DARS1: variants seen among roughly 807,000 people sequenced by gnomAD.
The protein encoded by DARS1 is aspartate--tRNA ligase, cytoplasmic.
Under a neutral mutation model 68.8 loss-of-function variants are expected in DARS1, and 51 were observed. The observed-to-expected ratio is 0.74, with a 90% CI of 0.59 to 0.94. The LOEUF (loss-of-function observed/expected upper bound fraction) is 0.94. DARS1 is among the 40% of genes least tolerant of loss of function. The pLI, the probability that DARS1 is intolerant of heterozygous loss-of-function variation, is 0.00. For missense variants in DARS1, 607 were observed against 597.3 expected (o/e 1.02, Z -0.17); for synonymous variants, 203 against 190.4 (o/e 1.07, Z -0.55).
intron 4 of DARS1, among the ~76,000 whole-genome samples, chr2:135,946,320 T>G (rs576284294): frequency 3.5e-4 from 54 of 152,274 alleles, no homozygotes; most frequent in African/African-American, 1.3e-3. Flanking sequence ...AGGGTACCAC[T>G]GCTAGCTTCT....
intron 4 of DARS1, among the ~76,000 whole-genome samples, chr2:135,960,656 T>C (rs1037631654): frequency 7.2e-5 from 11 of 152,280 alleles, no homozygotes; most frequent in Non-Finnish European, 1.5e-4. Context: ...TTTTCTGAGA[T>C]CATTATCATG....
intron 3 of DARS1, among the ~76,000 whole-genome samples, chr2:135,977,302 G>T (rs1176375474): frequency 6.6e-6 from 1 of 152,218 alleles, no homozygotes; most frequent in Non-Finnish European, 1.5e-5. Context: ...TAAACAGATT[G>T]TAAGCACAAA....
chr2:135,982,184 TTAAG>T (rs1220919475), intron 2 of DARS1, among the ~76,000 whole-genome samples: 3 of 152,090 alleles, frequency 2.0e-5, no homozygotes, highest in Non-Finnish European at 4.4e-5. Flanking sequence ...TGTCAAATAG[TTAAG>T]TAAGACAAAT....
At chr2:135,979,144 G>T in intron 3 of DARS1, 130 bp downstream of exon 3, 1 of 629,574 alleles carries the variant, frequency 1.6e-6, no homozygotes, top group East Asian at 2.7e-5. Flanking sequence ...ACTTTACAGT[G>T]ACTTTTAAGA....
At chr2:135,978,474 C>G (rs939351156) in intron 3 of DARS1, among the ~76,000 whole-genome samples, 5 of 152,196 alleles carry the variant, frequency 3.3e-5, no homozygotes, top group African/African-American at 1.2e-4. Context: ...AATAGGAATG[C>G]TTGTTCTGCC....
intron 11 of DARS1, 26 bp downstream of exon 11, chr2:135,916,195 TTAAAG>T (rs746640314): frequency 1.4e-6 from 2 of 1,400,562 alleles, no homozygotes; most frequent in South Asian, 1.2e-5. Context: ...ATCCTGGAAC[TTAAAG>T]TAAAAAAAAA....
chr2:135,943,574 C>CT, intron 4 of DARS1, 94 bp from the exon 5 acceptor site: 1 of 1,518,964 alleles, frequency 6.6e-7, no homozygotes, highest in Non-Finnish European at 8.8e-7. Context: ...ATGTTAAACT[C>CT]TTTTTTAATA....
intron 3 of DARS1, among the ~76,000 whole-genome samples, chr2:135,966,119 C>T (rs1170753114): frequency 6.7e-6 from 1 of 150,144 alleles, no homozygotes; most frequent in African/African-American, 2.4e-5. Context: ...ATTTAAAAAA[C>T]AAAAAATATG....
intron 4 of DARS1, among the ~76,000 whole-genome samples, chr2:135,952,521 T>A (rs527791455): frequency 2.9e-4 from 44 of 152,258 alleles, no homozygotes; most frequent in Non-Finnish European, 5.1e-4. Flanking sequence ...CTTCTTCCTA[T>A]CTGTAATTTT....
chr2:135,924,899 C>CA (rs1365670577), intron 7 of DARS1, among the ~76,000 whole-genome samples: 1 of 151,704 alleles, frequency 6.6e-6, no homozygotes, highest in Admixed American at 6.6e-5. Context: ...TGGTATTTGA[C>CA]AATAAATGAA....
chr2:135,956,653 A>G (rs911390042), intron 4 of DARS1, among the ~76,000 whole-genome samples: 1 of 152,234 alleles, frequency 6.6e-6, no homozygotes, highest in Non-Finnish European at 1.5e-5. Flanking sequence ...CTTTGTCACT[A>G]GTCAGTAGGG....
At chr2:135,927,975 A>G (rs966319328) in intron 7 of DARS1, among the ~76,000 whole-genome samples, 2 of 152,180 alleles carry the variant, frequency 1.3e-5, no homozygotes, top group Admixed American at 6.5e-5. Flanking sequence ...AAGCAAAATT[A>G]TATCTTTTGT....
intron 4 of DARS1, among the ~76,000 whole-genome samples, chr2:135,950,767 G>C (rs1328118415): frequency 6.6e-6 from 1 of 152,124 alleles, no homozygotes; most frequent in Non-Finnish European, 1.5e-5. Flanking sequence ...ATATACACTA[G>C]TGGGCCCAGC....
intron 3 of DARS1, among the ~76,000 whole-genome samples, chr2:135,976,876 C>T (rs1343293713): frequency 2.0e-5 from 3 of 151,844 alleles, no homozygotes; most frequent in African/African-American, 4.8e-5. Context: ...TTTTCACTTA[C>T]GTGATGCTTC....
intron 7 of DARS1, among the ~76,000 whole-genome samples, chr2:135,927,083 A>T (rs2104805515): frequency 6.6e-6 from 1 of 152,356 alleles, no homozygotes; most frequent in South Asian, 2.1e-4. Flanking sequence ...CTAAAGAGAA[A>T]CAAAATCGGT....
chr2:135,921,565 A>G (rs183735932), intron 9 of DARS1, among the ~76,000 whole-genome samples: 16 of 152,296 alleles, frequency 1.1e-4, no homozygotes, highest in African/African-American at 3.8e-4. Context: ...CTGATGGTAT[A>G]GGACAATCTG....
chr2:135,951,752 C>G (rs1022046201), intron 4 of DARS1, among the ~76,000 whole-genome samples: 9 of 152,208 alleles, frequency 5.9e-5, no homozygotes, highest in Non-Finnish European at 1.0e-4. Context: ...CCATCCACAT[C>G]TGGTGTTACA....
At chr2:135,925,380 G>A (rs898848343) in intron 7 of DARS1, among the ~76,000 whole-genome samples, 1 of 152,148 alleles carries the variant, frequency 6.6e-6, no homozygotes, top group Admixed American at 6.5e-5. Context: ...ACTGAGTTAG[G>A]TGAAGAAGGT....
intron 4 of DARS1, among the ~76,000 whole-genome samples, chr2:135,954,925 A>G (rs1440154314): frequency 6.6e-6 from 1 of 152,082 alleles, no homozygotes; most frequent in Non-Finnish European, 1.5e-5. Context: ...CATTCTAGGT[A>G]CCACAGATTT....
Sources: allele counts gnomAD v4.1 joint callset (sites outside exome capture counted in the v4.1 genomes callset), GRCh38; gene constraint gnomAD v4.1.1; transcripts MANE v1.5; gene names NCBI Gene and HGNC (gene_info 2026-07-23, HGNC 2026-07-21).